The following MYEF2 variants were observed in gnomAD, a reference collection of about 807,000 sequenced individuals.
MYEF2 encodes the protein myelin expression factor 2.
Under a neutral mutation model 75.2 loss-of-function variants are expected in MYEF2, and 37 were observed. The observed-to-expected ratio is 0.49, with a 90% confidence interval of 0.38 to 0.65. The LOEUF (loss-of-function observed/expected upper bound fraction) is 0.65, where lower values mean the gene tolerates loss of function less well. Among genes scored for constraint, MYEF2 ranks in the 30% least tolerant of loss-of-function variants. MYEF2 has a pLI of 0.00. For missense variants in MYEF2, 634 were observed against 771.4 expected, an observed-to-expected ratio of 0.82 and a Z score of 2.11; for synonymous variants, 195 against 241.6, an observed-to-expected ratio of 0.81 and a Z score of 1.79.
intron 1 of MYEF2, among the ~76,000 whole-genome samples, chr15:48,174,060 T>C (rs2040429610): frequency 1.3e-5 from 2 of 151,940 alleles, no homozygotes. Context: ...AAGAAAAAAC[T>C]AAAAGTACCA....
chr15:48,153,509 T>C, intron 10 of MYEF2: 1 of 280,430 alleles, frequency 3.6e-6, no homozygotes, highest in South Asian at 5.9e-5. Flanking sequence ...ATACTGTTCA[T>C]AGATGATATA....
At chr15:48,153,656 T>A (rs2039579238) in intron 10 of MYEF2, 136 bp downstream of exon 10, 2 of 696,406 alleles carry the variant, frequency 2.9e-6, no homozygotes, top group Admixed American at 2.8e-5. Context: ...CATTCCTTTT[T>A]CAGAATGAAG....
At chr15:48,152,060 T>C (rs2039511451) in intron 11 of MYEF2, 118 bp from the exon 12 acceptor site, 1 of 1,181,880 alleles carries the variant, frequency 8.5e-7, no homozygotes, top group Admixed American at 1.7e-5. Flanking sequence ...GTGCAGCTAC[T>C]TCTTAACACA....
chr15:48,138,493 G>A lies in MYEF2; in HGVS notation c.*4415C>T, dbSNP rs373806885. 6.6e-6 allele frequency: 1 copy of A among 152,430 alleles called. No homozygotes were observed. The highest frequency in any genetic ancestry group is 1.5e-5 in the Non-Finnish European group (1 of 68,288). The allele number at this position is 152,430 out of a possible 1,614,324, so 9.4% of individuals were successfully genotyped here. On this transcript the variant is annotated 3_prime_UTR_variant, in exon 17 of 17. Coordinates refer to ENST00000324324, the MANE Select transcript of MYEF2 (RefSeq NM_016132.5). ...ACTTCCACTAAGAATTAGGATATGC[G>A]ACTTAATAAAAAAATTATGCTATGA...
intron 1 of MYEF2, among the ~76,000 whole-genome samples, chr15:48,177,222 A>C (rs1323659972): frequency 6.6e-6 from 1 of 152,216 alleles, no homozygotes; most frequent in Non-Finnish European, 1.5e-5. Flanking sequence ...ACAGGACAGG[A>C]ACAAAGGAGA....
chr15:48,148,987 C>T (rs377679525), intron 16 of MYEF2, 45 bp downstream of exon 16: 1 of 1,600,564 alleles, frequency 6.2e-7, no homozygotes, highest in Non-Finnish European at 8.6e-7. Context: ...ACCAATTTTC[C>T]TCCATAATCA....
At chr15:48,146,535 C>T (rs1319713766) in intron 16 of MYEF2, among the ~76,000 whole-genome samples, 5 of 151,844 alleles carry the variant, frequency 3.3e-5, no homozygotes, top group African/African-American at 4.8e-5. Context: ...ATAACATTTA[C>T]TCAGCCTTTG....
intron 9 of MYEF2, chr15:48,157,638 G>T: frequency 1.9e-6 from 1 of 533,670 alleles, no homozygotes; most frequent in Non-Finnish European, 2.4e-6. Context: ...TCCCAACTAT[G>T]TAAAAAATAT....
chr15:48,159,506 A>C, intron 6 of MYEF2, 107 bp downstream of exon 6: 4 of 923,562 alleles, frequency 4.3e-6, no homozygotes, highest in Non-Finnish European at 6.6e-6. Context: ...TATTTCACTT[A>C]CTTTAGTTAA....
At chr15:48,150,906 C>T (rs1488257946) in intron 14 of MYEF2, among the ~76,000 whole-genome samples, 194 bp downstream of exon 14, 1 of 151,968 alleles carries the variant, frequency 6.6e-6, no homozygotes, top group Non-Finnish European at 1.5e-5. Context: ...AAGTAAAATT[C>T]AAACAGTTAA....
chr15:48,157,090 T>C (rs2039726997), intron 9 of MYEF2: 1 of 152,170 alleles, frequency 6.6e-6, no homozygotes, highest in South Asian at 2.1e-4. Flanking sequence ...AGATTTCTTA[T>C]AAGAATACTT....
At chr15:48,158,998 A>G in intron 6 of MYEF2, 76 bp from the exon 7 acceptor site, 1 of 1,243,448 alleles carries the variant, frequency 8.0e-7, no homozygotes, top group African/African-American at 1.5e-5. Context: ...AATCTTTTCT[A>G]AACTCTTAAA....
chr15:48,148,240 CA>C (rs991461530), intron 16 of MYEF2, among the ~76,000 whole-genome samples: 6 of 151,700 alleles, frequency 4.0e-5, no homozygotes, highest in African/African-American at 1.5e-4. Context: ...TTAATACTAG[CA>C]AAAAATATTT....
chr15:48,154,014 T>C, intron 9 of MYEF2, 121 bp from the exon 10 acceptor site: 6 of 687,154 alleles, frequency 8.7e-6, no homozygotes, highest in South Asian at 2.3e-5. Context: ...CAAATTTTCA[T>C]ATAAAAGCAC....
At chr15:48,147,330 G>A (rs939172439) in intron 16 of MYEF2, among the ~76,000 whole-genome samples, 3 of 151,910 alleles carry the variant, frequency 2.0e-5, no homozygotes, top group Non-Finnish European at 4.4e-5. Flanking sequence ...ATAAAGAACA[G>A]TCAACTCAAC....
Position 48,153,787 on chromosome 15 carries a change from C to T in MYEF2, c.1087+5G>A. ...AAAAAGAAAAGAGGAAGTTAGAATA[C>T]TCACCACCTGGACCTAAATTTCCCA... On this transcript the variant is annotated splice_donor_5th_base_variant and intron_variant, in intron 10 of 16. Coordinates refer to ENST00000324324, the MANE Select transcript of MYEF2 (RefSeq NM_016132.5). The T allele has an allele frequency of 6.2e-7, 1 of 1,611,222 alleles. No homozygotes were observed. The highest frequency in any genetic ancestry group is 8.5e-7 in the Non-Finnish European group (1 of 1,177,822).
intron 3 of MYEF2, among the ~76,000 whole-genome samples, 186 bp downstream of exon 3, chr15:48,167,163 C>T (rs1275579750): frequency 6.6e-6 from 1 of 152,000 alleles, no homozygotes; most frequent in Non-Finnish European, 1.5e-5. Flanking sequence ...GTTTACAAAA[C>T]CCATCCCTTC....
rs758662892 is a variant in MYEF2 at position 48,178,112 on chromosome 15, C to T, written c.126G>A (p.Gln42=). Residue 42 remains glutamine, a synonymous_variant, in exon 1 of 17, where the codon CAG becomes CAA. Transcript: ENST00000324324. ...EPHPAEAEKQ[Q]PQHSSSSNGV... is the part of the protein sequence containing the mutation. ...CATTGGAGCTGCTGCTGTGCTGCGG[C>T]TGCTGCTTCTCCGCCTCCGCGGGGT... is the stretch of plus-strand genomic sequence containing the variant. 3.9e-5 allele frequency: 63 copies of T among 1,596,792 alleles called. No individual in the cohort carries two copies. Among genetic ancestry groups the T allele is most frequent in the Non-Finnish European group, 2.0e-5 (23 of 1,172,606 alleles).
At position 48,144,727 on chromosome 15, in the gene MYEF2, T is replaced by C. The variant is rs577470228; in HGVS notation, c.1640-1656A>G. On this transcript the variant is annotated intron_variant, in intron 16 of 16. Coordinates refer to ENST00000324324, the MANE Select transcript of MYEF2 (RefSeq NM_016132.5). ...AATTTCCAGAGTCCTCTTAATATCT[T>C]GAATGCTGGTACCTGAAAAAAAGCA... Among the ~76,000 whole-genome samples the C allele has an allele frequency of 4.6e-5, 7 of 151,948 alleles. No homozygotes were observed. In the East Asian group the frequency reaches 1.2e-3, roughly 25 times the overall value.
Sources: gnomAD v4.1 joint callset for allele counts (sites outside exome capture counted in the v4.1 genomes callset) on GRCh38, gnomAD v4.1.1 for gene constraint, MANE v1.5 for transcripts, NCBI Gene and HGNC (gene_info 2026-07-23, HGNC 2026-07-21) for gene names.